The following WWP1 variants were observed in gnomAD, a reference collection of about 807,000 sequenced individuals.
WWP1 encodes the protein WW domain containing E3 ubiquitin protein ligase 1, also known as NEDD4-like E3 ubiquitin-protein ligase WWP1.
In WWP1, 49 loss-of-function variants were observed where a neutral mutation model predicts 130.6. The ratio of observed to expected loss-of-function variants is 0.38; its 90% CI spans 0.30 to 0.48. WWP1 has a LOEUF of 0.48. Ranked by LOEUF, WWP1 falls within the 20% of genes least tolerant of loss-of-function variation. The pLI, the probability that WWP1 is intolerant of heterozygous loss-of-function variation, is 0.99. For synonymous variants in WWP1, 332 were observed against 367.8 expected, an observed-to-expected ratio of 0.90 and a Z score of 1.11; for missense variants, 809 against 1,100.6, an observed-to-expected ratio of 0.74 and a Z score of 3.75.
intron 14 of WWP1, among the ~76,000 whole-genome samples, chr8:86,433,546 T>G (rs1171084025): frequency 6.7e-6 from 1 of 148,976 alleles, no homozygotes; most frequent in African/African-American, 2.5e-5. Flanking sequence ...AGAGCTAGTC[T>G]CTAAAAAAAA....
In WWP1 at chr8:86,431,401, T is replaced by G; in HGVS notation, c.1388-5T>G. The G allele has an allele frequency of 6.3e-7, 1 of 1,582,594 alleles. No homozygotes were observed. The highest frequency in any genetic ancestry group is 8.6e-7 in the Non-Finnish European group (1 of 1,162,510). On this transcript the variant is annotated splice_polypyrimidine_tract_variant and splice_region_variant and intron_variant, in intron 12 of 24. Transcript: ENST00000517970. ...ATTAAATATTATACTCACTTTATAT[T>G]TCAGAAAAAAGAGTGGATTCAACAG...
chr8:86,391,092 C>T (rs1483649135), intron 5 of WWP1, among the ~76,000 whole-genome samples: 5 of 152,022 alleles, frequency 3.3e-5, no homozygotes, highest in East Asian at 3.9e-4. Context: ...CATAAATAAA[C>T]CCCCCAGACT....
chr8:86,384,154 A>G (rs1052973874), intron 5 of WWP1, among the ~76,000 whole-genome samples: 4 of 152,190 alleles, frequency 2.6e-5, no homozygotes, highest in African/African-American at 9.7e-5. Flanking sequence ...GCCTACCCCA[A>G]TGACATTATT....
At chr8:86,358,938 A>G (rs1823406757) in intron 1 of WWP1, among the ~76,000 whole-genome samples, 1 of 152,182 alleles carries the variant, frequency 6.6e-6, no homozygotes, top group Non-Finnish European at 1.5e-5. Context: ...TCTGAAGACA[A>G]ATAGCAACTA....
chr8:86,431,058 T>G (rs1181260805), intron 12 of WWP1, among the ~76,000 whole-genome samples: 1 of 132,938 alleles, frequency 7.5e-6, no homozygotes, highest in African/African-American at 3.0e-5. Flanking sequence ...TTATAAGGGA[T>G]ATATATATGT....
At chr8:86,343,515 C>T (rs1027948060) in intron 1 of WWP1, among the ~76,000 whole-genome samples, 3 of 133,054 alleles carry the variant, frequency 2.3e-5, no homozygotes, top group Non-Finnish European at 4.6e-5. Context: ...CTTATCTTGT[C>T]TGTGACTTAC....
intron 9 of WWP1, 109 bp downstream of exon 9, chr8:86,411,983 T>A: frequency 1.9e-6 from 2 of 1,070,466 alleles, no homozygotes; most frequent in Non-Finnish European, 2.7e-6. Context: ...CTTTGAAATC[T>A]AAGTTGGGAT....
chr8:86,466,771 ATTTTGT>A lies in WWP1; in HGVS notation c.2670-14_2670-9del. On this transcript the variant is annotated splice_polypyrimidine_tract_variant and intron_variant, in intron 24 of 24. Coordinates refer to ENST00000517970, the MANE Select transcript of WWP1 (RefSeq NM_007013.4). Reference sequence around the variant, plus strand: ...TTTTTCATTTTATTGAAAACATCTGATTTTGTTTTTGTTTCTGTTCAGTTTTAATCG... The same window carrying A: ...TTTTTCATTTTATTGAAAACATCTGATTTTGTTTCTGTTCAGTTTTAATCG... 2.1e-6 allele frequency: 3 copies of A among 1,463,354 alleles called. No homozygotes were observed. The highest frequency in any genetic ancestry group is 2.8e-6 in the Non-Finnish European group (3 of 1,077,002). 90.6% of individuals were successfully genotyped at this position (1,463,354 alleles called of 1,614,324 possible).
intron 17 of WWP1, among the ~76,000 whole-genome samples, chr8:86,440,129 G>A (rs1253185494): frequency 6.6e-6 from 1 of 152,110 alleles, no homozygotes; most frequent in African/African-American, 2.4e-5. Flanking sequence ...ACATAAGAAA[G>A]GTACATCTTA....
intron 1 of WWP1, among the ~76,000 whole-genome samples, chr8:86,347,788 T>TCC (rs1162913386): frequency 6.6e-6 from 1 of 152,220 alleles, no homozygotes; most frequent in Non-Finnish European, 1.5e-5. Flanking sequence ...TATAAAAGCT[T>TCC]AGTCTTCAAA....
chr8:86,410,977 T>G (rs1470882253), intron 8 of WWP1, among the ~76,000 whole-genome samples: 1 of 152,216 alleles, frequency 6.6e-6, no homozygotes, highest in Non-Finnish European at 1.5e-5. Context: ...GTAGTCGAAC[T>G]AGATCAATCA....
intron 1 of WWP1, 21 bp downstream of exon 1, chr8:86,342,951 G>A: frequency 3.0e-6 from 1 of 334,826 alleles, no homozygotes; most frequent in Non-Finnish European, 5.4e-6. Context: ...CGCGGCGCGG[G>A]GCTGGGGGTG....
intron 16 of WWP1, among the ~76,000 whole-genome samples, chr8:86,437,712 C>G (rs749193805): frequency 4.6e-5 from 7 of 152,198 alleles, no homozygotes; most frequent in Non-Finnish European, 8.8e-5. Flanking sequence ...TAATACCTAC[C>G]ATTGACTGGA....
At chr8:86,465,200 C>T (rs1357894735) in intron 24 of WWP1, among the ~76,000 whole-genome samples, 1 of 152,166 alleles carries the variant, frequency 6.6e-6, no homozygotes, top group African/African-American at 2.4e-5. Flanking sequence ...AACAAGTTGA[C>T]AGCAAAGAGC....
intron 5 of WWP1, among the ~76,000 whole-genome samples, chr8:86,383,884 C>T (rs536178215): frequency 7.4e-4 from 113 of 152,242 alleles, no homozygotes; most frequent in Non-Finnish European, 1.1e-3. Flanking sequence ...TCCTGCACAC[C>T]TAAGAAGTCG....
chr8:86,351,787 T>A (rs953992754), intron 1 of WWP1, among the ~76,000 whole-genome samples: 25 of 152,318 alleles, frequency 1.6e-4, no homozygotes, highest in African/African-American at 5.8e-4. Flanking sequence ...TATTGACCAG[T>A]GTTTGTCAAA....
intron 11 of WWP1, among the ~76,000 whole-genome samples, chr8:86,429,863 T>C (rs1016273403): frequency 2.0e-5 from 3 of 152,190 alleles, no homozygotes; most frequent in Non-Finnish European, 4.4e-5. Flanking sequence ...AACTAATAAT[T>C]AATTTGATAG....
intron 21 of WWP1, among the ~76,000 whole-genome samples, chr8:86,455,679 C>T (rs773396260): frequency 3.3e-5 from 5 of 151,800 alleles, no homozygotes; most frequent in Non-Finnish European, 7.4e-5. Context: ...AAGAGATATA[C>T]GATGTTATAT....
intron 9 of WWP1, among the ~76,000 whole-genome samples, chr8:86,423,816 C>A: frequency 7.0e-6 from 1 of 143,324 alleles, no homozygotes; most frequent in South Asian, 2.3e-4. Flanking sequence ...GAGGCGCCCC[C>A]CCCCCACCTC....
Sources: allele counts gnomAD v4.1 joint callset (sites outside exome capture counted in the v4.1 genomes callset), GRCh38; gene constraint gnomAD v4.1.1; transcripts MANE v1.5; gene names NCBI Gene and HGNC (gene_info 2026-07-23, HGNC 2026-07-21).